ADGRL3: variants seen among roughly 807,000 people sequenced by gnomAD.
The protein encoded by ADGRL3 is adhesion G protein-coupled receptor L3, also known as calcium-independent alpha-latrotoxin receptor 3.
Under a neutral mutation model 153.5 loss-of-function variants are expected in ADGRL3, and 62 were observed. That is an observed-to-expected ratio of 0.40 (90% CI 0.33 to 0.50). The LOEUF (loss-of-function observed/expected upper bound fraction) is 0.50, where lower values mean the gene tolerates loss of function less well. Ranked by LOEUF, ADGRL3 falls within the 20% of genes least tolerant of loss-of-function variation. The pLI is 0.47. For missense variants in ADGRL3, 1,641 were observed against 1,859.4 expected (o/e 0.88, Z 2.16); for synonymous variants, 710 against 672.5 (o/e 1.06, Z -0.86).
intron 1 of ADGRL3, among the ~76,000 whole-genome samples, chr4:61,337,848 G>T (rs1039371495): frequency 1.3e-4 from 20 of 152,178 alleles, no homozygotes; most frequent in Admixed American, 9.2e-4. Context: ...TAACCTGCAA[G>T]GTTCTTATAT....
chr4:61,855,350 T>C (rs1345645572), intron 9 of ADGRL3, among the ~76,000 whole-genome samples: 1 of 152,134 alleles, frequency 6.6e-6, no homozygotes, highest in Non-Finnish European at 1.5e-5. Flanking sequence ...AATATCAGAT[T>C]CATGTAGTTG....
intron 25 of ADGRL3, among the ~76,000 whole-genome samples, chr4:62,051,301 C>A (rs1308696704): frequency 6.6e-6 from 1 of 150,730 alleles, no homozygotes; most frequent in African/African-American, 2.4e-5. Context: ...AACACAAAGG[C>A]AAAATAGGCT....
At chr4:61,570,278 C>A (rs1006102655) in intron 4 of ADGRL3, among the ~76,000 whole-genome samples, 1 of 152,114 alleles carries the variant, frequency 6.6e-6, no homozygotes, top group Admixed American at 6.6e-5. Flanking sequence ...TGATAGCATC[C>A]TGTCCCTTGT....
intron 2 of ADGRL3, chr4:61,420,470 C>A (rs1292643149): frequency 1.4e-5 from 2 of 143,010 alleles, no homozygotes; most frequent in Non-Finnish European, 3.0e-5. Context: ...GCAGTGGCGC[C>A]ATCTCGTCTC....
At chr4:61,595,543 A>G (rs1211753132) in intron 5 of ADGRL3, among the ~76,000 whole-genome samples, 2 of 152,120 alleles carry the variant, frequency 1.3e-5, no homozygotes, top group Non-Finnish European at 2.9e-5. Context: ...GATGCAAGAC[A>G]AAGTCCTTTT....
chr4:61,259,677 G>T (rs1390172145), intron 1 of ADGRL3, among the ~76,000 whole-genome samples: 1 of 152,022 alleles, frequency 6.6e-6, no homozygotes, highest in Non-Finnish European at 1.5e-5. Context: ...TCACCAATGA[G>T]GTGTGAGAAA....
At chr4:61,331,800 C>T (rs984027555) in intron 1 of ADGRL3, among the ~76,000 whole-genome samples, 7 of 151,964 alleles carry the variant, frequency 4.6e-5, no homozygotes, top group Non-Finnish European at 1.0e-4. Flanking sequence ...TATATAATTA[C>T]ATTACGGTAT....
chr4:61,950,771 A>G (rs554551891), intron 17 of ADGRL3, among the ~76,000 whole-genome samples: 1 of 152,322 alleles, frequency 6.6e-6, no homozygotes, highest in Non-Finnish European at 1.5e-5. Context: ...GGTGAGTGAC[A>G]GGCGATGCGT....
At chr4:61,579,224 A>G (rs1164415002) in intron 4 of ADGRL3, among the ~76,000 whole-genome samples, 5 of 152,072 alleles carry the variant, frequency 3.3e-5, no homozygotes, top group Non-Finnish European at 1.5e-5. Context: ...TAAGGGATCA[A>G]TATGCATTTA....
At chr4:61,709,376 G>C (rs1343758769) in intron 6 of ADGRL3, among the ~76,000 whole-genome samples, 1 of 152,108 alleles carries the variant, frequency 6.6e-6, no homozygotes, top group Non-Finnish European at 1.5e-5. Flanking sequence ...TATGAAATCT[G>C]TGGAAGCAAG....
At chr4:61,756,760 C>G (rs2096836954) in intron 8 of ADGRL3, among the ~76,000 whole-genome samples, 1 of 152,228 alleles carries the variant, frequency 6.6e-6, no homozygotes, top group South Asian at 2.1e-4. Flanking sequence ...GTGGGTTTGT[C>G]ATAGATAGCT....
chr4:61,376,332 GTAAT>G (rs1359294987), intron 1 of ADGRL3, among the ~76,000 whole-genome samples: 1 of 150,516 alleles, frequency 6.6e-6, no homozygotes, highest in Non-Finnish European at 1.5e-5. Flanking sequence ...CTTGTCATGT[GTAAT>G]TATAGTCATA....
intron 13 of ADGRL3, among the ~76,000 whole-genome samples, chr4:61,918,375 C>A (rs1032272630): frequency 6.6e-6 from 1 of 152,076 alleles, no homozygotes; most frequent in Non-Finnish European, 1.5e-5. Context: ...TTAAATATGT[C>A]ATTAAATATA....
intron 8 of ADGRL3, among the ~76,000 whole-genome samples, chr4:61,756,119 T>C (rs2096827053): frequency 6.6e-6 from 1 of 152,194 alleles, no homozygotes; most frequent in Admixed American, 6.5e-5. Flanking sequence ...TTTGGTTCCA[T>C]ATGAACTTTA....
At chr4:61,216,353 G>GT (rs1279976757) in intron 1 of ADGRL3, among the ~76,000 whole-genome samples, 3 of 151,938 alleles carry the variant, frequency 2.0e-5, no homozygotes, top group Non-Finnish European at 4.4e-5. Context: ...ATTTGGTATA[G>GT]TTTTTTATCT....
chr4:61,647,844 C>T (rs957061636), intron 5 of ADGRL3, among the ~76,000 whole-genome samples: 7 of 152,038 alleles, frequency 4.6e-5, no homozygotes, highest in Admixed American at 1.3e-4. Flanking sequence ...CAGTTTTCCA[C>T]TGTAAGTTTT....
chr4:61,947,490 A>G (rs1460002744), intron 16 of ADGRL3, among the ~76,000 whole-genome samples: 1 of 152,210 alleles, frequency 6.6e-6, no homozygotes, highest in Non-Finnish European at 1.5e-5. Context: ...TCTTGCTGCA[A>G]AAACAAGAAA....
At chr4:61,493,703 G>C (rs769453680) in intron 2 of ADGRL3, among the ~76,000 whole-genome samples, 8 of 152,150 alleles carry the variant, frequency 5.3e-5, no homozygotes, top group Non-Finnish European at 7.3e-5. Flanking sequence ...TATCCATGCT[G>C]TTCCGGGTTC....
chr4:61,754,568 ATGGGT>A (rs2096797105), intron 8 of ADGRL3, among the ~76,000 whole-genome samples: 1 of 151,786 alleles, frequency 6.6e-6, no homozygotes, highest in African/African-American at 2.4e-5. Flanking sequence ...TAACCACCCA[ATGGGT>A]TCACCTTGCC....
Sources: gnomAD v4.1 joint callset for allele counts (sites outside exome capture counted in the v4.1 genomes callset) on GRCh38, gnomAD v4.1.1 for gene constraint, MANE v1.5 for transcripts, NCBI Gene and HGNC (gene_info 2026-07-23, HGNC 2026-07-21) for gene names.